The following HCRTR2 variants were observed in gnomAD, a reference collection of about 807,000 sequenced individuals.
HCRTR2 encodes orexin receptor type 2.
Under a neutral mutation model 49.0 loss-of-function variants are expected in HCRTR2, and 22 were observed. The ratio of observed to expected loss-of-function variants is 0.45; its 90% CI spans 0.32 to 0.64. The LOEUF (loss-of-function observed/expected upper bound fraction) is 0.64. HCRTR2 is among the 30% of genes least tolerant of loss of function. The pLI, the probability that HCRTR2 is intolerant of heterozygous loss-of-function variation, is 0.04. For missense variants in HCRTR2, 491 were observed against 559.4 expected, an observed-to-expected ratio of 0.88 and a Z score of 1.23; for synonymous variants, 236 against 205.3, an observed-to-expected ratio of 1.15 and a Z score of -1.28.
chr6:55,126,506 A>T (rs1764280288), intron 1 of HCRTR2, among the ~76,000 whole-genome samples: 1 of 152,152 alleles, frequency 6.6e-6, no homozygotes, highest in South Asian at 2.1e-4. Flanking sequence ...GCCAGATGCC[A>T]GCCAGAGCTC....
intron 1 of HCRTR2, among the ~76,000 whole-genome samples, chr6:55,159,386 C>A (rs532842173): frequency 2.0e-5 from 3 of 152,240 alleles, no homozygotes; most frequent in East Asian, 3.9e-4. Context: ...TGGGGAAAAA[C>A]CAGCACAAAA....
At chr6:55,211,792 C>T (rs1765700238) in intron 1 of HCRTR2, among the ~76,000 whole-genome samples, 1 of 152,144 alleles carries the variant, frequency 6.6e-6, no homozygotes, top group African/African-American at 2.4e-5. Context: ...TTAAACATCA[C>T]TTCCTCTGGG....
Position 55,146,935 on chromosome 6 carries a change from T to C in HCRTR2, c.-377-27276T>C, listed in dbSNP as rs866301336. 4.6e-5 allele frequency among the ~76,000 whole-genome samples: 7 copies of C among 152,306 alleles called. No homozygotes were observed. The South Asian group carries it at 1.4e-3, about 32-fold the overall frequency. On this transcript the variant is annotated intron_variant, in intron 1 of 7. Coordinates refer to the HCRTR2 transcript ENST00000615358. ...GTTGTACCTTGGAATAGCCAGGGGA[T>C]CTTTAAAAACAACTGATGCCTAGTT...
intron 4 of HCRTR2, among the ~76,000 whole-genome samples, chr6:55,273,610 A>G (rs572835955): frequency 2.6e-5 from 4 of 152,264 alleles, no homozygotes; most frequent in Admixed American, 2.6e-4. Context: ...CATGAAAGTT[A>G]CCAATGATTT....
intron 1 of HCRTR2, among the ~76,000 whole-genome samples, chr6:55,237,554 T>C (rs1766236956): frequency 6.6e-6 from 1 of 152,238 alleles, no homozygotes; most frequent in South Asian, 2.1e-4. Flanking sequence ...CTTTGTTCTC[T>C]GTTTCTCTTC....
intron 1 of HCRTR2, among the ~76,000 whole-genome samples, chr6:55,233,752 G>C (rs2127301009): frequency 6.6e-6 from 1 of 152,004 alleles, no homozygotes; most frequent in African/African-American, 2.4e-5. Flanking sequence ...GTAATATTTG[G>C]GGAATATGCA....
intron 1 of HCRTR2, among the ~76,000 whole-genome samples, chr6:55,130,225 C>A (rs945662818): frequency 2.6e-5 from 4 of 151,912 alleles, no homozygotes; most frequent in Non-Finnish European, 4.4e-5. Flanking sequence ...CCTACCTGAT[C>A]TCTTCACTTG....
intron 4 of HCRTR2, among the ~76,000 whole-genome samples, chr6:55,275,525 T>G (rs1002085941): frequency 6.6e-6 from 1 of 151,598 alleles, no homozygotes; most frequent in Non-Finnish European, 1.5e-5. Context: ...CTATCCTTAT[T>G]TAGATCATTA....
intron 1 of HCRTR2, among the ~76,000 whole-genome samples, chr6:55,153,213 A>G (rs1242077176): frequency 6.6e-6 from 1 of 151,986 alleles, no homozygotes; most frequent in East Asian, 1.9e-4. Context: ...TCTATTGGTC[A>G]ACATATGGTC....
At chr6:55,196,365 G>T (rs564078785) in intron 1 of HCRTR2, among the ~76,000 whole-genome samples, 5 of 152,296 alleles carry the variant, frequency 3.3e-5, no homozygotes, top group Non-Finnish European at 7.4e-5. Context: ...GAGCTTTTGT[G>T]TTGGGTTTTA....
chr6:55,218,537 C>T (rs925044302), intron 1 of HCRTR2, among the ~76,000 whole-genome samples: 7 of 152,036 alleles, frequency 4.6e-5, no homozygotes, highest in African/African-American at 1.7e-4. Context: ...TTTGTAGACA[C>T]ACATAGGATA....
intron 1 of HCRTR2, among the ~76,000 whole-genome samples, chr6:55,216,058 G>C (rs759711314): frequency 1.3e-5 from 2 of 152,134 alleles, no homozygotes; most frequent in Non-Finnish European, 2.9e-5. Flanking sequence ...TTTTATCATA[G>C]GCCTAGTTTG....
At position 55,174,762 on chromosome 6, in the gene HCRTR2, G is replaced by T. The variant is rs1467427726; in HGVS notation, c.175G>T (p.Ala59Ser). ...GAAAGAATATGAGTGGGTCCTGATC[G>T]CCGGGTACATCATCGTGTTCGTCGT... ...HPKEYEWVLI[A>S]GYIIVFVVAL... The change falls in exon 1 of 7, where the codon GCC becomes TCC. Residue 59 changes from alanine (A) to serine (S), a missense_variant. By Grantham distance (99) the Ala-to-Ser change is moderately conservative. Transcript: ENST00000370862. 2.5e-6 allele frequency: 4 copies of T among 1,613,876 alleles called. No homozygotes were observed. The highest frequency in any genetic ancestry group is 1.7e-5 in the Admixed American group (1 of 59,980).
chr6:55,156,941 G>A (rs1764739555), intron 1 of HCRTR2, among the ~76,000 whole-genome samples: 1 of 152,018 alleles, frequency 6.6e-6, no homozygotes, highest in Non-Finnish European at 1.5e-5. Flanking sequence ...ATTTAATGGT[G>A]GAAGACTGAA....
intron 1 of HCRTR2, among the ~76,000 whole-genome samples, chr6:55,162,921 T>C (rs190250175): frequency 1.4e-3 from 208 of 152,086 alleles, no homozygotes; most frequent in Non-Finnish European, 1.7e-3. Flanking sequence ...CAATGCTATG[T>C]TCATCAAGCT....
intron 1 of HCRTR2, among the ~76,000 whole-genome samples, chr6:55,245,503 A>ATATC (rs1554181935): frequency 0.012 from 1,492 of 124,484 alleles, 40 homozygotes; most frequent in Non-Finnish European, 0.017. Context: ...ATATATATAT[A>ATATC]TATCTTCCCC....
chr6:55,280,535 G>T, intron 6 of HCRTR2, 91 bp downstream of exon 6: 3 of 1,556,702 alleles, frequency 1.9e-6, no homozygotes, highest in East Asian at 4.6e-5. Flanking sequence ...GAGTTTAGTT[G>T]CTATGTGAGT....
intron 1 of HCRTR2, among the ~76,000 whole-genome samples, chr6:55,207,210 A>G (rs576265506): frequency 6.6e-6 from 1 of 152,216 alleles, no homozygotes; most frequent in East Asian, 1.9e-4. Context: ...TTGATCAATA[A>G]ATTGTTACAT....
intron 1 of HCRTR2, among the ~76,000 whole-genome samples, chr6:55,146,331 T>C (rs1006669632): frequency 5.3e-5 from 8 of 152,202 alleles, no homozygotes; most frequent in Non-Finnish European, 8.8e-5. Flanking sequence ...TTCATTTGTA[T>C]AGTAGCAAAC....
Sources: allele counts gnomAD v4.1 joint callset (sites outside exome capture counted in the v4.1 genomes callset), GRCh38; gene constraint gnomAD v4.1.1; transcripts MANE v1.5; gene names NCBI Gene and HGNC (gene_info 2026-07-23, HGNC 2026-07-21).